The following COG5 variants were observed in gnomAD, a reference collection of about 807,000 sequenced individuals.
The protein encoded by COG5 is conserved oligomeric Golgi complex subunit 5.
A neutral mutation model predicts 110.4 loss-of-function variants in COG5; 86 were observed. That is an observed-to-expected ratio of 0.78 (90% CI 0.65 to 0.93). The LOEUF is 0.93. Among genes scored for constraint, COG5 ranks in the 40% least tolerant of loss-of-function variants. COG5 has a pLI of 0.00. For synonymous variants in COG5, 360 were observed against 334.6 expected, an observed-to-expected ratio of 1.08 and a Z score of -0.83; for missense variants, 1,077 against 987.0, an observed-to-expected ratio of 1.09 and a Z score of -1.22.
chr7:107,261,177 T>C (rs1030451699), intron 14 of COG5, among the ~76,000 whole-genome samples: 7 of 152,146 alleles, frequency 4.6e-5, no homozygotes, highest in African/African-American at 1.7e-4. Context: ...AAAATATCTG[T>C]GTATAAGTGG....
At chr7:107,489,924 G>T (rs1202337805) in intron 6 of COG5, among the ~76,000 whole-genome samples, 1 of 152,094 alleles carries the variant, frequency 6.6e-6, no homozygotes, top group Non-Finnish European at 1.5e-5. Flanking sequence ...ACCTCACAGA[G>T]TTGGGAAGCT....
intron 10 of COG5, among the ~76,000 whole-genome samples, chr7:107,336,321 A>G (rs148298159): frequency 2.6e-4 from 40 of 152,334 alleles, no homozygotes; most frequent in Non-Finnish European, 4.6e-4. Flanking sequence ...TTCTTACACT[A>G]TGTGTGAGCT....
chr7:107,496,844 G>C (rs1374479429), intron 6 of COG5, among the ~76,000 whole-genome samples: 1 of 151,890 alleles, frequency 6.6e-6, no homozygotes. Flanking sequence ...CACAATAAAG[G>C]TCATATATGA....
At chr7:107,549,690 C>A (rs1208183606) in intron 3 of COG5, among the ~76,000 whole-genome samples, 1 of 151,924 alleles carries the variant, frequency 6.6e-6, no homozygotes, top group Non-Finnish European at 1.5e-5. Flanking sequence ...GCGTGAGCCA[C>A]CACGCCTGGC....
At chr7:107,208,112 T>C (rs867404994) in intron 21 of COG5, 2 of 985,204 alleles carry the variant, frequency 2.0e-6, no homozygotes, top group African/African-American at 1.7e-5. Context: ...GAACATTCTC[T>C]AGGACAAAAG....
chr7:107,264,879 A>G (rs891479957), intron 14 of COG5, among the ~76,000 whole-genome samples: 1 of 152,188 alleles, frequency 6.6e-6, no homozygotes, highest in Non-Finnish European at 1.5e-5. Context: ...GAAAGGAGCT[A>G]AAGTGACACT....
chr7:107,505,888 G>A (rs1335846148), intron 6 of COG5, among the ~76,000 whole-genome samples: 1 of 152,174 alleles, frequency 6.6e-6, no homozygotes, highest in Non-Finnish European at 1.5e-5. Context: ...CATACTCTAG[G>A]CTGCTGCTTG....
At chr7:107,249,801 T>C (rs1467791914) in intron 16 of COG5, among the ~76,000 whole-genome samples, 6 of 151,668 alleles carry the variant, frequency 4.0e-5, no homozygotes, top group Non-Finnish European at 5.9e-5. Context: ...TAAAACGTTA[T>C]GCATGTTGAG....
At chr7:107,455,652 A>T (rs1235970016) in intron 6 of COG5, among the ~76,000 whole-genome samples, 1 of 152,100 alleles carries the variant, frequency 6.6e-6, no homozygotes. Context: ...AACACCTGTG[A>T]GAGAGAGAGA....
intron 6 of COG5, among the ~76,000 whole-genome samples, chr7:107,511,861 ACT>A (rs1446757286): frequency 4.6e-5 from 7 of 152,130 alleles, no homozygotes; most frequent in Non-Finnish European, 1.0e-4. Flanking sequence ...CATGCTAAAA[ACT>A]CTCAATAAAT....
intron 7 of COG5, among the ~76,000 whole-genome samples, chr7:107,402,809 A>C: frequency 6.6e-6 from 1 of 152,336 alleles, no homozygotes; most frequent in Non-Finnish European, 1.5e-5. Context: ...GCATCCCCAG[A>C]AGATGTGCTC....
At chr7:107,470,574 T>C (rs1444995349) in intron 6 of COG5, 1 of 152,158 alleles carries the variant, frequency 6.6e-6, no homozygotes, top group African/African-American at 2.4e-5. Flanking sequence ...GACATGTATT[T>C]TAAGATCTAT....
chr7:107,545,779 C>CAAAAAA (rs59515448), intron 5 of COG5, among the ~76,000 whole-genome samples: 39 of 69,798 alleles, frequency 5.6e-4, no homozygotes, highest in Admixed American at 9.0e-4. Context: ...GACTCCATCT[C>CAAAAAA]AAAAAAAAAA....
intron 10 of COG5, among the ~76,000 whole-genome samples, chr7:107,343,817 G>C (rs1449601970): frequency 6.6e-6 from 1 of 151,954 alleles, no homozygotes; most frequent in Non-Finnish European, 1.5e-5. Context: ...ATCTCAATCA[G>C]AGTTCTTAGG....
intron 12 of COG5, among the ~76,000 whole-genome samples, chr7:107,293,443 C>T (rs1191403537): frequency 2.6e-5 from 4 of 152,156 alleles, no homozygotes; most frequent in Admixed American, 6.5e-5. Flanking sequence ...TAAGCTAAGG[C>T]GGGTAAGACG....
intron 5 of COG5, among the ~76,000 whole-genome samples, chr7:107,543,506 C>T (rs1802201416): frequency 6.6e-6 from 1 of 152,194 alleles, no homozygotes; most frequent in Non-Finnish European, 1.5e-5. Flanking sequence ...GACCCCAGGC[C>T]CCAGACCAGC....
intron 10 of COG5, among the ~76,000 whole-genome samples, chr7:107,326,249 G>C (rs1486632719): frequency 6.6e-6 from 1 of 152,114 alleles, no homozygotes; most frequent in Admixed American, 6.6e-5. Context: ...CAGGAACAAG[G>C]CCAGGATGCC....
intron 5 of COG5, among the ~76,000 whole-genome samples, chr7:107,543,712 G>C (rs1351059999): frequency 1.3e-5 from 2 of 152,184 alleles, no homozygotes; most frequent in East Asian, 3.9e-4. Flanking sequence ...GCATCAGGTT[G>C]GCACCTGTGG....
chr7:107,547,976 T>C, intron 5 of COG5, 135 bp downstream of exon 5: 1 of 732,548 alleles, frequency 1.4e-6, no homozygotes, highest in Non-Finnish European at 2.3e-6. Context: ...TAAGGCTTTT[T>C]AGTATTTTTT....
Sources: allele counts gnomAD v4.1 joint callset (sites outside exome capture counted in the v4.1 genomes callset), GRCh38; gene constraint gnomAD v4.1.1; transcripts MANE v1.5; gene names NCBI Gene and HGNC (gene_info 2026-07-23, HGNC 2026-07-21).